The following TMEM132D variants were observed in gnomAD, a reference collection of about 807,000 sequenced individuals.
The protein encoded by TMEM132D is transmembrane protein 132D.
TMEM132D carries 21 observed loss-of-function variants against 62.3 expected under a neutral mutation model. That is an observed-to-expected ratio of 0.34 (90% CI 0.24 to 0.49). TMEM132D has a LOEUF of 0.49. Ranked by LOEUF, TMEM132D falls within the 20% of genes least tolerant of loss-of-function variation. The probability of loss-of-function intolerance (pLI) is 0.99; values close to 1 mark genes in which losing one functional copy is unlikely to be tolerated. For synonymous variants in TMEM132D, 621 were observed against 575.6 expected, an observed-to-expected ratio of 1.08 and a Z score of -1.13; for missense variants, 1,346 against 1,402.8, an observed-to-expected ratio of 0.96 and a Z score of 0.65.
chr12:129,668,478 G>A (rs1423342311), intron 2 of TMEM132D, among the ~76,000 whole-genome samples: 2 of 151,590 alleles, frequency 1.3e-5, no homozygotes, highest in Non-Finnish European at 2.9e-5. Context: ...GCAGGTCTCA[G>A]ACAACTTTAA....
intron 5 of TMEM132D, among the ~76,000 whole-genome samples, chr12:129,122,032 G>C (rs11060148): frequency 0.31 from 47,199 of 152,062 alleles, 8,118 homozygotes; most frequent in Non-Finnish European, 0.39. Context: ...GTTCTTCCGA[G>C]GCAGCCCTAG....
chr12:129,211,961 A>AG (rs1879064214), intron 4 of TMEM132D: 1 of 152,270 alleles, frequency 6.6e-6, no homozygotes, highest in African/African-American at 2.4e-5. Flanking sequence ...TCTACTCTAA[A>AG]GGGGGAGGAT....
At chr12:129,112,619 T>G (rs1415520813) in intron 5 of TMEM132D, among the ~76,000 whole-genome samples, 1 of 152,194 alleles carries the variant, frequency 6.6e-6, no homozygotes, top group Non-Finnish European at 1.5e-5. Context: ...GCCAAGATCA[T>G]GCCGTTGCAC....
chr12:129,262,063 T>A (rs568550895), intron 4 of TMEM132D, among the ~76,000 whole-genome samples: 154 of 152,194 alleles, frequency 1.0e-3, no homozygotes, highest in African/African-American at 3.6e-3. Flanking sequence ...TGGGTCTTTT[T>A]TCTGGAAACC....
chr12:129,818,427 G>A (rs572812876), intron 1 of TMEM132D, among the ~76,000 whole-genome samples: 2 of 148,910 alleles, frequency 1.3e-5, no homozygotes, highest in African/African-American at 4.9e-5. Flanking sequence ...GTGTGTATGT[G>A]TGTGGTGGGG....
chr12:129,139,089 G>A (rs183864228), intron 5 of TMEM132D, among the ~76,000 whole-genome samples: 312 of 152,324 alleles, frequency 2.0e-3, no homozygotes, highest in Non-Finnish European at 3.6e-3. Flanking sequence ...CGCACAGGGA[G>A]TAGGAGTGAT....
intron 5 of TMEM132D, among the ~76,000 whole-genome samples, chr12:129,114,535 C>T (rs1013861193): frequency 4.0e-5 from 6 of 151,702 alleles, no homozygotes; most frequent in Admixed American, 1.3e-4. Context: ...AACTTTTTAT[C>T]GCATACAGCT....
At chr12:129,532,469 GA>G (rs1876257607) in intron 2 of TMEM132D, among the ~76,000 whole-genome samples, 1 of 152,190 alleles carries the variant, frequency 6.6e-6, no homozygotes, top group Admixed American at 6.5e-5. Flanking sequence ...AGGGCTTTGA[GA>G]AAAAGCAGGA....
At chr12:129,552,823 T>C (rs1479972864) in intron 2 of TMEM132D, among the ~76,000 whole-genome samples, 1 of 152,230 alleles carries the variant, frequency 6.6e-6, no homozygotes, top group African/African-American at 2.4e-5. Flanking sequence ...ATCTACCGGT[T>C]TATATCCATT....
At chr12:129,504,532 T>A (rs998496570) in intron 3 of TMEM132D, among the ~76,000 whole-genome samples, 1 of 152,202 alleles carries the variant, frequency 6.6e-6, no homozygotes, top group Admixed American at 6.5e-5. Flanking sequence ...CATAGTAGCC[T>A]TGAATTATTT....
intron 4 of TMEM132D, among the ~76,000 whole-genome samples, chr12:129,295,204 T>G (rs1281672689): frequency 6.6e-6 from 1 of 151,292 alleles, no homozygotes; most frequent in East Asian, 1.9e-4. Flanking sequence ...GGAACACTGC[T>G]GGCTAGACAC....
intron 3 of TMEM132D, among the ~76,000 whole-genome samples, chr12:129,417,689 A>G (rs549519074): frequency 6.6e-6 from 1 of 152,376 alleles, no homozygotes; most frequent in East Asian, 1.9e-4. Flanking sequence ...AAAAAGTGCC[A>G]AAATTGACAA....
rs1161979032 is a variant in TMEM132D at position 129,337,706 on chromosome 12, G to A, written c.1227C>T (p.Ile409=). 3.1e-6 allele frequency: 5 copies of A among 1,614,210 alleles called. No individual in the cohort carries two copies. The highest frequency in any genetic ancestry group is 3.4e-6 in the Non-Finnish European group (4 of 1,180,040). ...TCTTGGACACTCCCAAGTCAGACGT[G>A]ATCTCTCCGGGGTACTCGACCTGCC... The part of the protein sequence containing the change: ...VTWQVEYPGE[I]TSDLGVSKIY... Residue 409 remains isoleucine (I), a synonymous_variant, in exon 4 of 9, where the codon ATC becomes ATT. Transcript: ENST00000422113.
chr12:129,186,345 C>T (rs955731225), intron 5 of TMEM132D, among the ~76,000 whole-genome samples: 6 of 152,210 alleles, frequency 3.9e-5, no homozygotes, highest in African/African-American at 1.4e-4. Context: ...TATGCCTCTG[C>T]TGATGCAAGG....
At chr12:129,192,709 T>C (rs1878438978) in intron 5 of TMEM132D, among the ~76,000 whole-genome samples, 1 of 152,148 alleles carries the variant, frequency 6.6e-6, no homozygotes, top group Non-Finnish European at 1.5e-5. Flanking sequence ...CTGGTGAGAT[T>C]TTGTGGCACA....
intron 1 of TMEM132D, among the ~76,000 whole-genome samples, chr12:129,724,541 A>C (rs1466742753): frequency 6.6e-6 from 1 of 152,088 alleles, no homozygotes; most frequent in Non-Finnish European, 1.5e-5. Context: ...TTTTGTTTTG[A>C]GATGGAGTCT....
chr12:129,436,546 G>A (rs1031774364), intron 3 of TMEM132D, among the ~76,000 whole-genome samples: 1 of 152,140 alleles, frequency 6.6e-6, no homozygotes, highest in African/African-American at 2.4e-5. Context: ...TGATAGTGAC[G>A]ATTCAACAAC....
At chr12:129,582,943 G>A (rs1480381954) in intron 2 of TMEM132D, among the ~76,000 whole-genome samples, 1 of 147,796 alleles carries the variant, frequency 6.8e-6, no homozygotes, top group East Asian at 2.0e-4. Context: ...TTTTTGTTTT[G>A]TTTTGGAGAC....
At chr12:129,597,101 T>C (rs1878359295) in intron 2 of TMEM132D, among the ~76,000 whole-genome samples, 2 of 152,200 alleles carry the variant, frequency 1.3e-5, no homozygotes, top group South Asian at 4.1e-4. Context: ...GGGAATGATA[T>C]TTTCGTCCTT....
Sources: gnomAD v4.1 joint callset for allele counts (sites outside exome capture counted in the v4.1 genomes callset) on GRCh38, gnomAD v4.1.1 for gene constraint, MANE v1.5 for transcripts, NCBI Gene and HGNC (gene_info 2026-07-23, HGNC 2026-07-21) for gene names.